ZNF718: variants seen among roughly 807,000 people sequenced by gnomAD.
ZNF718 encodes zinc finger protein 718.
In ZNF718, 3 loss-of-function variants were observed where a neutral mutation model predicts 2.6. The ratio of observed to expected loss-of-function variants is 1.16; its 90% CI spans 0.53 to 3.01. ZNF718 has a LOEUF of 3.01. Among genes scored for constraint, ZNF718 ranks in the 30% most tolerant of loss-of-function variants. ZNF718 has a pLI of 0.03. For synonymous variants in ZNF718, 135 were observed against 77.9 expected, an observed-to-expected ratio of 1.73 and a Z score of -3.86; for missense variants, 468 against 230.0, an observed-to-expected ratio of 2.03 and a Z score of -6.69.
chr4:153,070 G>C (rs1442010855), intron 3 of ZNF718, among the ~76,000 whole-genome samples: 2 of 151,626 alleles, frequency 1.3e-5, no homozygotes, highest in Non-Finnish European at 2.9e-5. Flanking sequence ...ATCTTTATTT[G>C]TGATTGAGTT....
intron 3 of ZNF718, among the ~76,000 whole-genome samples, chr4:169,876 TTGATCCTGTCATTA>T (rs1340101851): frequency 7.9e-5 from 12 of 152,008 alleles, no homozygotes; most frequent in Admixed American, 7.9e-4. Flanking sequence ...ATGTGTGAAT[TTGATCCTGTCATTA>T]TGATGTTAGC....
intron 3 of ZNF718, among the ~76,000 whole-genome samples, chr4:197,707 G>T (rs1717820023): frequency 6.6e-6 from 1 of 152,194 alleles, no homozygotes; most frequent in African/African-American, 2.4e-5. Context: ...CATAAGGGCA[G>T]AACTGCACTC....
Position 128,702 on chromosome 4 carries a change from G to A in ZNF718, c.4-2086G>A, listed in dbSNP as rs1715290057. Among the ~76,000 whole-genome samples, 3 of 102,150 alleles carry A rather than the reference G, an allele frequency of 2.9e-5. 1 individual carries two copies. The highest frequency in any genetic ancestry group is 1.0e-4 in the African/African-American group (3 of 29,264). 67.0% of individuals were successfully genotyped at this position (102,150 alleles called of 152,430 possible). ...TTTGAGGATGTCATGTGCAGACTGG[G>A]GTCAGTCTGACAAGGTCTAATTCTG... On this transcript the variant is annotated intron_variant, in intron 1 of 3. Transcript: ENST00000510175.
chr4:165,284 ATTAC>A (rs1249279922), downstream of ZNF718, among the ~76,000 whole-genome samples: 9 of 152,182 alleles, frequency 5.9e-5, no homozygotes, highest in Non-Finnish European at 1.3e-4. Context: ...CAACATTTAG[ATTAC>A]TTAAGAGTCA....
chr4:160,962 G>A lies in ZNF718; in HGVS notation c.277G>A (p.Asp93Asn), dbSNP rs1553814793. 6 of 780,722 alleles carry A rather than the reference G, an allele frequency of 7.7e-6. No individual in the cohort carries two copies. In the Admixed American group the frequency reaches 1.0e-4, roughly 13 times the overall value. 48.4% of individuals were successfully genotyped at this position (780,722 alleles called of 1,614,324 possible). A position where few individuals can be genotyped will look rare whatever the true frequency, so the allele number is the denominator to read the frequency against. Residue 93 changes from aspartate (D) to asparagine (N), a missense_variant, in exon 4 of 4, where the codon GAT becomes AAT. Transcript: ENST00000510175. Reference sequence around the variant, plus strand: ...CCTTTGGACAGTGCAGGGCATAGAAGATTCATTCCACAAACTTATACCAAA... The same window carrying A: ...CCTTTGGACAGTGCAGGGCATAGAAAATTCATTCCACAAACTTATACCAAA... ...QNLWTVQGIE[D>N]SFHKLIPKGH...
At chr4:197,076 T>C (rs1717806180) in intron 3 of ZNF718, among the ~76,000 whole-genome samples, 3 of 148,088 alleles carry the variant, frequency 2.0e-5, no homozygotes, top group African/African-American at 7.4e-5. Flanking sequence ...CCCATAACAG[T>C]AGGAGCTTTT....
chr4:192,458 G>A lies in ZNF718; in HGVS notation c.227-8623G>A, dbSNP rs533182941. On this transcript the variant is annotated intron_variant and NMD_transcript_variant, in intron 3 of 4. Transcript: ENST00000642529. ...GGGTGTGAGCTGAGTTACAAGCCCC[G>A]TGTTTAAAGGTGGGTGCGGTCACCT... 5.9e-5 allele frequency among the ~76,000 whole-genome samples: 9 copies of A among 152,218 alleles called. No individual in the cohort carries two copies. In the South Asian group the frequency reaches 8.3e-4, roughly 14 times the overall value.
intron 3 of ZNF718, among the ~76,000 whole-genome samples, chr4:144,770 G>A (rs782261375): frequency 2.0e-5 from 3 of 152,026 alleles, no homozygotes; most frequent in Non-Finnish European, 2.9e-5. Context: ...TGTGGCTACC[G>A]TAAATGGAAT....
chr4:169,144 T>C (rs1232656530), downstream of ZNF718, among the ~76,000 whole-genome samples: 1 of 152,208 alleles, frequency 6.6e-6, no homozygotes, highest in East Asian at 1.9e-4. Context: ...TTGTTCAGTT[T>C]CCATGTAGTT....
At chr4:177,782 T>C (rs376336503) in intron 3 of ZNF718, among the ~76,000 whole-genome samples, 24 of 152,218 alleles carry the variant, frequency 1.6e-4, no homozygotes, top group African/African-American at 5.3e-4. Context: ...CTTTATCTCA[T>C]GTCAGCAGGA....
chr4:185,607 C>A (rs142614868), intron 3 of ZNF718, among the ~76,000 whole-genome samples: 1 of 152,198 alleles, frequency 6.6e-6, no homozygotes, highest in East Asian at 1.9e-4. Flanking sequence ...TTAAAGTACC[C>A]CACTACTATT....
At position 162,368 on chromosome 4, in the gene ZNF718, A is replaced by G. The variant is rs1716932146; in HGVS notation, c.*246A>G. On this transcript the variant is annotated 3_prime_UTR_variant, in exon 4 of 4. Transcript: ENST00000510175. ...ACTGCAGAAAACCCCTAGGAATATT[A>G]AAAGTGTGGCAAAACCTTTAACCAA... 6 of 367,342 alleles carry G rather than the reference A, an allele frequency of 1.6e-5. No individual in the cohort carries two copies. In the South Asian group the frequency reaches 4.9e-4, roughly 30 times the overall value. 22.8% of individuals were successfully genotyped at this position (367,342 alleles called of 1,614,324 possible). A position where few individuals can be genotyped will look rare whatever the true frequency, so the allele number is the denominator to read the frequency against.
intron 3 of ZNF718, among the ~76,000 whole-genome samples, chr4:154,092 A>G (rs7669631): frequency 0.017 from 2,537 of 152,220 alleles, 76 homozygotes; most frequent in African/African-American, 0.057. Flanking sequence ...TGATAATTTT[A>G]TAAGGTTTCC....
At chr4:186,352 GC>G (rs1717565612) in intron 3 of ZNF718, among the ~76,000 whole-genome samples, 1 of 152,124 alleles carries the variant, frequency 6.6e-6, no homozygotes, top group Non-Finnish European at 1.5e-5. Context: ...TGAGAGGTCT[GC>G]TGTTAGTCTG....
intron 3 of ZNF718, chr4:149,660 T>C (rs960480417): frequency 2.0e-5 from 3 of 152,208 alleles, no homozygotes; most frequent in Admixed American, 2.0e-4. Context: ...AGTTAGGTGG[T>C]ATTTGCCTGT....
chr4:141,230 G>A (rs1553810192), intron 3 of ZNF718, among the ~76,000 whole-genome samples: 1 of 151,898 alleles, frequency 6.6e-6, no homozygotes, highest in Non-Finnish European at 1.5e-5. Context: ...TCTAAAAGTT[G>A]GTTCAAATTA....
intron 3 of ZNF718, among the ~76,000 whole-genome samples, chr4:157,103 C>CTTTTTTTTTTTTTTTTTTTTTTTT (rs199814257): frequency 1.9e-5 from 2 of 103,150 alleles, no homozygotes; most frequent in African/African-American, 4.0e-5. Flanking sequence ...TTCTTTCTTT[C>CTTTTTTTTTTTTTTTTTTTTTTTT]TTTTTTTTTT....
rs190090498 is a variant in ZNF718, at chr4:151,187, C to G, written c.227-9725C>G. On this transcript the variant is annotated intron_variant, in intron 3 of 3. Transcript: ENST00000510175. ...GTGTGATCTCAGCTCCCTGCAACTT[C>G]TGCCTCCCGGGTTCAGGCAGTTCTC... Among the ~76,000 whole-genome samples, 440 of 152,302 alleles carry G rather than the reference C, an allele frequency of 2.9e-3. 4 individuals carry two copies. The highest frequency in any genetic ancestry group is 0.01 in the African/African-American group (432 of 41,560).
Position 173,062 on chromosome 4 carries a change from AAAAT to A in ZNF718, c.227-28009_227-28006del, listed in dbSNP as rs199714896. Among the ~76,000 whole-genome samples, 703 of 152,184 alleles carry A rather than the reference AAAAT, an allele frequency of 4.6e-3. 5 individuals carry two copies. Among genetic ancestry groups the A allele is most frequent in the African/African-American group, 0.016 (666 of 41,514 alleles). ...CCATCTTAAAAAAATAAATAAAATA[AAAAT>A]AAATAAATATGATACACAAAGGAGA... On this transcript the variant is annotated intron_variant and NMD_transcript_variant, in intron 3 of 4. Coordinates refer to the ZNF718 transcript ENST00000642529.
Sources: gnomAD v4.1 joint callset for allele counts (sites outside exome capture counted in the v4.1 genomes callset) on GRCh38, gnomAD v4.1.1 for gene constraint, MANE v1.5 for transcripts, NCBI Gene and HGNC (gene_info 2026-07-23, HGNC 2026-07-21) for gene names.